Variants in FOXRED1 observed in about 807,000 individuals in gnomAD.
FOXRED1 encodes FAD-dependent oxidoreductase domain-containing protein 1.
A neutral mutation model predicts 57.8 loss-of-function variants in FOXRED1; 52 were observed. The observed-to-expected ratio is 0.90, with a 90% CI of 0.72 to 1.13. The LOEUF is 1.13. FOXRED1 is among the 50% of genes most tolerant of loss of function. FOXRED1 has a pLI of 0.00. For missense variants in FOXRED1, 589 were observed against 625.2 expected (o/e 0.94, Z 0.62); for synonymous variants, 271 against 248.3 (o/e 1.09, Z -0.86).
chr11:126,270,294 AAG>A (rs1379693539), intron 1 of FOXRED1, among the ~76,000 whole-genome samples: 1 of 152,218 alleles, frequency 6.6e-6, no homozygotes, highest in African/African-American at 2.4e-5. Context: ...TGCTGCTGAG[AAG>A]AGTTTGAGTG....
chr11:126,271,251 C>T lies in FOXRED1; in HGVS notation c.86-186C>T. ...GCACAATGCATGAAGAGACTGATGG[C>T]ATGTGGACTATTCAGAAAACTGTGG... On this transcript the variant is annotated intron_variant, in intron 1 of 10. Transcript: ENST00000263578. The surrounding 1 kb of genome is among the most constrained non-coding windows in gnomAD (Gnocchi z 5.3). 1.5e-6 allele frequency: 1 copy of T among 647,346 alleles called. No individual in the cohort carries two copies. The allele number at this position is 647,346 out of a possible 1,614,324, so 40.1% of individuals were successfully genotyped here.
Position 126,277,284 on chromosome 11 carries a change from G to T in FOXRED1, c.1206+109G>T. The T allele has an allele frequency of 8.3e-7, 1 of 1,212,064 alleles. No individual in the cohort carries two copies. Among genetic ancestry groups the T allele is most frequent in the Non-Finnish European group, 1.2e-6 (1 of 816,312 alleles). 75.1% of individuals were successfully genotyped at this position (1,212,064 alleles called of 1,614,324 possible). A position where few individuals can be genotyped will look rare whatever the true frequency, so the allele number is the denominator to read the frequency against. On this transcript the variant is annotated intron_variant, in intron 10 of 10. Transcript: ENST00000263578. The surrounding 1 kb of genome is among the most constrained non-coding windows in gnomAD (Gnocchi z 6.8). Reference sequence around the variant, plus strand: ...CCCGTGACTGCCGTAGTCCCTCCATGTCACAACTGCTAAGGAATTTCTTGG... The same window carrying T: ...CCCGTGACTGCCGTAGTCCCTCCATTTCACAACTGCTAAGGAATTTCTTGG...
At position 126,277,488 on chromosome 11, in the gene FOXRED1, C is replaced by G. The variant is rs537966371; in HGVS notation, c.1260C>G (p.Gly420=). The part of the protein sequence containing the change: ...YYDYNTFDQN[G]VVGPHPLVVN... ...ACTACAACACCTTTGACCAGAATGG[C>G]GTGGTGGGCCCCCACCCGCTAGTTG... The change falls in exon 11 of 11, where the codon GGC becomes GGG. Residue 420 remains glycine (G), a synonymous_variant. Transcript: ENST00000263578. This position sits in a 1 kb window ranked among gnomAD's most constrained non-coding sequence, Gnocchi z 6.8. 1.2e-6 allele frequency: 2 copies of G among 1,613,410 alleles called. No individual in the cohort carries two copies. The highest frequency in any genetic ancestry group is 1.7e-5 in the Admixed American group (1 of 60,002).
intron 1 of FOXRED1, among the ~76,000 whole-genome samples, chr11:126,269,888 G>C (rs1050489853): frequency 6.6e-6 from 1 of 150,992 alleles, no homozygotes; most frequent in Admixed American, 6.6e-5. Context: ...TCGGGAGGCT[G>C]AGGCAGGAGA....
rs368307265 is a variant in FOXRED1 at position 126,269,176 on chromosome 11, A to G, written c.-31A>G. 190 of 1,532,672 alleles carry G rather than the reference A, an allele frequency of 1.2e-4. No individual in the cohort carries two copies. The East Asian group carries it at 2.3e-3, about 18-fold the overall frequency. The allele number at this position is 1,532,672 out of a possible 1,614,324, so 94.9% of individuals were successfully genotyped here. A position where few individuals can be genotyped will look rare whatever the true frequency, so the allele number is the denominator to read the frequency against. ...TGCGATAATAGCGAGGCAGCAGTGC[A>G]GCTTTCAGAGGGTCCGGGCTCAGAG... is the stretch of plus-strand genomic sequence containing the variant. On this transcript the variant is annotated 5_prime_UTR_variant, in exon 1 of 11. Coordinates refer to ENST00000263578, the MANE Select transcript of FOXRED1 (RefSeq NM_017547.4).
In FOXRED1 at chr11:126,277,741, A is replaced by G. The variant is rs375665109; in HGVS notation, c.*52A>G. 5.0e-6 allele frequency: 8 copies of G among 1,598,276 alleles called. No homozygotes were observed. Among genetic ancestry groups the G allele is most frequent in the Non-Finnish European group, 6.9e-6 (8 of 1,167,028 alleles). Reference sequence around the variant, plus strand: ...TGGCTTGCATCCTGGCTGTGTTCACAGCCTTGTTTGCTGCTTCCATCTTCC... The same window carrying G: ...TGGCTTGCATCCTGGCTGTGTTCACGGCCTTGTTTGCTGCTTCCATCTTCC... On this transcript the variant is annotated 3_prime_UTR_variant, in exon 11 of 11. Transcript: ENST00000263578. The surrounding 1 kb of genome is among the most constrained non-coding windows in gnomAD (Gnocchi z 6.8).
At position 126,275,248 on chromosome 11, in the gene FOXRED1, G is replaced by A; in HGVS notation, c.632-79G>A. On this transcript the variant is annotated intron_variant, in intron 5 of 10. Coordinates refer to ENST00000263578, the MANE Select transcript of FOXRED1 (RefSeq NM_017547.4). This position sits in a 1 kb window ranked among gnomAD's most constrained non-coding sequence, Gnocchi z 5.9. ...TCCCCGGCTTACAAGCCCTAGAGAG[G>A]GGTTGGGGGGCACAGGAAATACAAT... 1 of 1,096,972 alleles carries A rather than the reference G, an allele frequency of 9.1e-7. No individual in the cohort carries two copies. The highest frequency in any genetic ancestry group is 1.2e-5 in the South Asian group (1 of 80,100). The allele number at this position is 1,096,972 out of a possible 1,614,324, so 68.0% of individuals were successfully genotyped here. A position where few individuals can be genotyped will look rare whatever the true frequency, so the allele number is the denominator to read the frequency against.
chr11:126,269,705 G>T (rs961878321), intron 1 of FOXRED1, among the ~76,000 whole-genome samples: 2 of 152,130 alleles, frequency 1.3e-5, no homozygotes, highest in African/African-American at 2.4e-5. Flanking sequence ...GTTCAAGACT[G>T]GATAGAGGCC....
rs1951021332 is a variant in FOXRED1 at position 126,272,646 on chromosome 11, T to C, written c.307-323T>C. 2.4e-6 allele frequency: 1 copy of C among 422,368 alleles called. No homozygotes were observed. Among genetic ancestry groups the C allele is most frequent in the Admixed American group, 3.6e-5 (1 of 27,642 alleles). 26.2% of individuals were successfully genotyped at this position (422,368 alleles called of 1,614,324 possible). A position where few individuals can be genotyped will look rare whatever the true frequency, so the allele number is the denominator to read the frequency against. ...ATTGCCAGCTAGCCACGAGTCTTGC[T>C]ACTTTACTTCAATCATAACCTTTCA... On this transcript the variant is annotated intron_variant, in intron 2 of 10. Coordinates refer to ENST00000263578, the MANE Select transcript of FOXRED1 (RefSeq NM_017547.4). The surrounding 1 kb of genome is among the most constrained non-coding windows in gnomAD (Gnocchi z 4.6).
Position 126,271,454 on chromosome 11 carries a change from T to C in FOXRED1, c.103T>C (p.Ser35Pro). The C allele has an allele frequency of 6.2e-7, 1 of 1,613,794 alleles. No individual in the cohort carries two copies. The highest frequency in any genetic ancestry group is 8.5e-7 in the Non-Finnish European group (1 of 1,179,722). The change falls in exon 2 of 11, where the codon TCT becomes CCT. Residue 35 changes from serine to proline, a missense_variant. Transcript: ENST00000263578. This position sits in a 1 kb window ranked among gnomAD's most constrained non-coding sequence, Gnocchi z 5.3. ...GFSLDWDGKV[S>P]EIKKKIKSIL... is the part of the protein sequence containing the mutation. ...TCCCACAGACTGGGATGGAAAGGTG[T>C]CTGAGATTAAGAAGAAGATCAAGTC...
Position 126,272,299 on chromosome 11 carries a change from T to C in FOXRED1, c.306+642T>C, listed in dbSNP as rs534856830. 6.7e-5 allele frequency among the ~76,000 whole-genome samples: 10 copies of C among 148,850 alleles called. No individual in the cohort carries two copies. Among genetic ancestry groups the C allele is most frequent in the Admixed American group, 5.4e-4 (8 of 14,802 alleles). ...CTTTTGGGTCCCGTTACTTCTGAGG[T>C]TTTTTGCATTTTATTGTATTTATTT... On this transcript the variant is annotated intron_variant, in intron 2 of 10. Coordinates refer to ENST00000263578, the MANE Select transcript of FOXRED1 (RefSeq NM_017547.4). The surrounding 1 kb of genome is among the most constrained non-coding windows in gnomAD (Gnocchi z 4.6).
intron 9 of FOXRED1, 153 bp from the exon 10 acceptor site, chr11:126,276,918 C>G: frequency 1.5e-6 from 1 of 674,440 alleles, no homozygotes; most frequent in Non-Finnish European, 2.7e-6. Flanking sequence ...TTTTGGGGGG[C>G]TGTGTGCTGT....
intron 8 of FOXRED1, 21 bp downstream of exon 8, chr11:126,276,240 T>C (rs1448057929): frequency 8.4e-7 from 1 of 1,189,530 alleles, no homozygotes; most frequent in South Asian, 1.7e-5. Context: ...TCCGGACAGC[T>C]GAGGAGGTTG....
Position 126,269,172 on chromosome 11 carries a change from G to C in FOXRED1, c.-35G>C. The C allele has an allele frequency of 1.3e-6, 2 of 1,504,314 alleles. No individual in the cohort carries two copies. Among genetic ancestry groups the C allele is most frequent in the Non-Finnish European group, 1.9e-6 (2 of 1,081,080 alleles). The allele number at this position is 1,504,314 out of a possible 1,614,324, so 93.2% of individuals were successfully genotyped here. A position where few individuals can be genotyped will look rare whatever the true frequency, so the allele number is the denominator to read the frequency against. On this transcript the variant is annotated 5_prime_UTR_variant, in exon 1 of 11. Transcript: ENST00000263578. ...CGGCTGCGATAATAGCGAGGCAGCA[G>C]TGCAGCTTTCAGAGGGTCCGGGCTC...
At position 126,273,695 on chromosome 11, in the gene FOXRED1, A is replaced by G. The variant is rs1163192282; in HGVS notation, c.536+241A>G. ...AGATCATGAAAACCACCTGGAACAC[A>G]TCCCAGACCTAATAAACCAGAATCT... On this transcript the variant is annotated intron_variant, in intron 4 of 10. Coordinates refer to ENST00000263578, the MANE Select transcript of FOXRED1 (RefSeq NM_017547.4). This position sits in a 1 kb window ranked among gnomAD's most constrained non-coding sequence, Gnocchi z 5.9. The G allele has an allele frequency of 3.2e-5, 17 of 531,400 alleles. No homozygotes were observed. The highest frequency in any genetic ancestry group is 5.8e-5 in the Non-Finnish European group (17 of 292,264). 32.9% of individuals were successfully genotyped at this position (531,400 alleles called of 1,614,324 possible). A position where few individuals can be genotyped will look rare whatever the true frequency, so the allele number is the denominator to read the frequency against.
At chr11:126,276,916 G>T in intron 9 of FOXRED1, 155 bp from the exon 10 acceptor site, 1 of 664,492 alleles carries the variant, frequency 1.5e-6, no homozygotes, top group Non-Finnish European at 2.7e-6. Flanking sequence ...TTTTTTGGGG[G>T]GCTGTGTGCT....
Position 126,269,195 on chromosome 11 carries a change from C to T in FOXRED1, c.-12C>T, listed in dbSNP as rs766317360. 4.1e-5 allele frequency: 65 copies of T among 1,604,792 alleles called. 3 individuals are homozygous for T. In the South Asian group the frequency reaches 6.9e-4, roughly 17 times the overall value. On this transcript the variant is annotated 5_prime_UTR_variant, in exon 1 of 11. Coordinates refer to ENST00000263578, the MANE Select transcript of FOXRED1 (RefSeq NM_017547.4). ...CAGTGCAGCTTTCAGAGGGTCCGGG[C>T]TCAGAGGGGTTATGATTCGGAGGGT...
intron 1 of FOXRED1, among the ~76,000 whole-genome samples, chr11:126,270,229 G>A (rs749843797): frequency 9.2e-5 from 14 of 152,222 alleles, no homozygotes; most frequent in Non-Finnish European, 1.9e-4. Flanking sequence ...GTGAGTAGTA[G>A]CATGAAATGT....
rs748895782 is a variant in FOXRED1, at chr11:126,269,175, C to T, written c.-32C>T. 2.0e-6 allele frequency: 3 copies of T among 1,524,154 alleles called. No homozygotes were observed. Among genetic ancestry groups the T allele is most frequent in the East Asian group, 4.5e-5 (2 of 44,410 alleles). The allele number at this position is 1,524,154 out of a possible 1,614,324, so 94.4% of individuals were successfully genotyped here. ...CTGCGATAATAGCGAGGCAGCAGTG[C>T]AGCTTTCAGAGGGTCCGGGCTCAGA... is the stretch of plus-strand genomic sequence containing the variant. On this transcript the variant is annotated 5_prime_UTR_variant, in exon 1 of 11. Coordinates refer to ENST00000263578, the MANE Select transcript of FOXRED1 (RefSeq NM_017547.4).
Sources: allele counts gnomAD v4.1 joint callset (sites outside exome capture counted in the v4.1 genomes callset), GRCh38; gene constraint gnomAD v4.1.1; non-coding constraint Gnocchi (gnomAD v3.1); transcripts MANE v1.5; gene names NCBI Gene and HGNC (gene_info 2026-07-23, HGNC 2026-07-21).